TSC1: variants seen among roughly 807,000 people sequenced by gnomAD.
TSC1 encodes the protein hamartin.
TSC1 carries 20 observed loss-of-function variants against 124.3 expected under a neutral mutation model. That is an observed-to-expected ratio of 0.16 (90% CI 0.11 to 0.23). The LOEUF (loss-of-function observed/expected upper bound fraction) is 0.23, where lower values mean the gene tolerates loss of function less well. TSC1 is among the 10% of genes least tolerant of loss of function. TSC1 has a pLI of 1.00. For synonymous variants in TSC1, 493 were observed against 539.1 expected, an observed-to-expected ratio of 0.91 and a Z score of 1.19; for missense variants, 1,124 against 1,448.5, an observed-to-expected ratio of 0.78 and a Z score of 3.64.
Position 132,903,050 on chromosome 9 carries a change from T to C in TSC1, c.2209-263A>G, listed in dbSNP as rs562792617. On this transcript the variant is annotated intron_variant, in intron 17 of 22. Transcript: ENST00000298552. The surrounding 1 kb of genome is among the most constrained non-coding windows in gnomAD (Gnocchi z 5.9). ...CTTCCAATACTTTCAAAAGTCTGACTACCAACACTGGAATAAAATCTCTCA... is the reference window on the plus strand; with the variant it reads ...CTTCCAATACTTTCAAAAGTCTGACCACCAACACTGGAATAAAATCTCTCA... Among the ~76,000 whole-genome samples, 1 of 152,354 alleles carries C rather than the reference T, an allele frequency of 6.6e-6. No homozygotes were observed. Among genetic ancestry groups the C allele is most frequent in the East Asian group, 1.9e-4 (1 of 5,188 alleles).
At chr9:132,940,571 C>T (rs1847681733) in intron 1 of TSC1, among the ~76,000 whole-genome samples, 2 of 152,136 alleles carry the variant, frequency 1.3e-5, no homozygotes. Context: ...AATGTTTGGG[C>T]TGTGGAGTCA....
rs886063619 is a variant in TSC1 at position 132,895,937 on chromosome 9, T to G, written c.*298A>C. 1.1e-5 allele frequency: 5 copies of G among 448,104 alleles called. No homozygotes were observed. The highest frequency in any genetic ancestry group is 1.2e-5 in the Non-Finnish European group (3 of 244,198). 27.8% of individuals were successfully genotyped at this position (448,104 alleles called of 1,614,324 possible). Reference sequence around the variant, plus strand: ...GCACAGGTTCAAAGGACGCAACCATTTGGGGGGGAAAGGAAGAAAGTAAAG... The same window carrying G: ...GCACAGGTTCAAAGGACGCAACCATGTGGGGGGGAAAGGAAGAAAGTAAAG... On this transcript the variant is annotated 3_prime_UTR_variant, in exon 23 of 23. Transcript: ENST00000298552.
At position 132,896,771 on chromosome 9, in the gene TSC1, G is replaced by T; in HGVS notation, c.2976-17C>A. 1 of 1,613,454 alleles carries T rather than the reference G, an allele frequency of 6.2e-7. No homozygotes were observed. ...CAGTCAAGCCTGTAAGAAAGCCGGG[G>T]AGGAAAAAAGGAGCTGGTGATTGGA... On this transcript the variant is annotated splice_polypyrimidine_tract_variant and intron_variant, in intron 22 of 22. Coordinates refer to ENST00000298552, the MANE Select transcript of TSC1 (RefSeq NM_000368.5). This position sits in a 1 kb window ranked among gnomAD's most constrained non-coding sequence, Gnocchi z 4.5.
In TSC1 at chr9:132,906,182, C is replaced by A. The variant is rs1470752110; in HGVS notation, c.1439-43G>T. On this transcript the variant is annotated intron_variant, in intron 14 of 22. Coordinates refer to ENST00000298552, the MANE Select transcript of TSC1 (RefSeq NM_000368.5). This position sits in a 1 kb window ranked among gnomAD's most constrained non-coding sequence, Gnocchi z 4.1. ...AACAAAAGAAATGGCAGTCGGTATTCCACCTGGGAAAGACTAGGCAGTTTG... is the reference window on the plus strand; with the variant it reads ...AACAAAAGAAATGGCAGTCGGTATTACACCTGGGAAAGACTAGGCAGTTTG... The A allele has an allele frequency of 6.3e-7, 1 of 1,591,258 alleles. No homozygotes were observed. The highest frequency in any genetic ancestry group is 8.6e-7 in the Non-Finnish European group (1 of 1,168,508).
At chr9:132,901,835 A>G in intron 18 of TSC1, 136 bp from the exon 19 acceptor site, 2 of 719,418 alleles carry the variant, frequency 2.8e-6, no homozygotes, top group Non-Finnish European at 4.7e-6. Context: ...TCAGAATTTG[A>G]TGTCTTAGTT....
chr9:132,925,540 A>C, intron 5 of TSC1, 47 bp downstream of exon 5: 1 of 1,612,318 alleles, frequency 6.2e-7, no homozygotes, highest in Non-Finnish European at 8.5e-7. Context: ...AATTTCAGAA[A>C]CTATACTCAT....
At chr9:132,910,463 T>C (rs1588320880) in intron 12 of TSC1, 108 bp downstream of exon 12, 1 of 1,582,250 alleles carries the variant, frequency 6.3e-7, no homozygotes, top group East Asian at 2.2e-5. Flanking sequence ...TCAAACCCAT[T>C]GCATTTTAGG....
intron 8 of TSC1, 79 bp from the exon 9 acceptor site, chr9:132,912,536 A>G: frequency 6.4e-7 from 1 of 1,550,620 alleles, no homozygotes; most frequent in South Asian, 1.1e-5. Context: ...ACTCAGTGCC[A>G]GCCACGGAAC....
At chr9:132,934,144 C>T (rs1847338602) in intron 2 of TSC1, among the ~76,000 whole-genome samples, 1 of 152,204 alleles carries the variant, frequency 6.6e-6, no homozygotes. Context: ...ACAGCAACCA[C>T]TGAGCCTCGG....
chr9:132,945,181 T>C (rs1203436025), upstream of TSC1: 1 of 152,130 alleles, frequency 6.6e-6, no homozygotes, highest in Admixed American at 6.5e-5. Context: ...GAGTTGCAGC[T>C]CACCTGGGAA....
intron 2 of TSC1, among the ~76,000 whole-genome samples, chr9:132,930,587 C>CAAAAAAAAA (rs58163733): frequency 2.2e-5 from 1 of 45,248 alleles, no homozygotes; most frequent in Non-Finnish European, 3.8e-5. Flanking sequence ...GACTCTGCCT[C>CAAAAAAAAA]AAAAAAAAAA....
rs1163879822 is a variant in TSC1, at chr9:132,923,443, G to T, written c.413C>A (p.Thr138Asn). ...VLTTGVLVLI[T>N]MLPMIPQSGK... ...AGACTGTGGAATCATTGGTAGCATG[G>T]TTATCAACACCAAGACGCCTGTTGT... The change falls in exon 6 of 23, where the codon ACC (threonine) becomes AAC (asparagine). Residue 138 changes from threonine to asparagine, a missense_variant. Physicochemically the swap from Thr to Asn is moderately conservative, Grantham distance 65. Around this residue, in one of 5 missense-constraint regions of TSC1, gnomAD observed 463 missense variants for 606.8 expected, o/e 0.76. Transcript: ENST00000298552. The surrounding 1 kb of genome is among the most constrained non-coding windows in gnomAD (Gnocchi z 4.2). 1.9e-6 allele frequency: 3 copies of T among 1,614,182 alleles called. No homozygotes were observed. The highest frequency in any genetic ancestry group is 2.2e-5 in the East Asian group (1 of 44,888).
chr9:132,891,472 A>C lies in TSC1; in HGVS notation c.*4763T>G, dbSNP rs79470094. On this transcript the variant is annotated 3_prime_UTR_variant, in exon 23 of 23. Transcript: ENST00000298552. ...TCCAATTCCCATTCACTAAGATTGT[A>C]CCATTTTATCCTGCAGTTCATATTT... The C allele has an allele frequency of 4.3e-6, 1 of 233,478 alleles. No individual in the cohort carries two copies. Among genetic ancestry groups the C allele is most frequent in the East Asian group, 6.0e-5 (1 of 16,558 alleles). The allele number at this position is 233,478 out of a possible 1,614,324, so 14.5% of individuals were successfully genotyped here.
chr9:132,920,768 C>G (rs1410254325), intron 8 of TSC1, among the ~76,000 whole-genome samples: 1 of 152,018 alleles, frequency 6.6e-6, no homozygotes, highest in Non-Finnish European at 1.5e-5. Context: ...CCTCCCACAG[C>G]TCAGTCTGTA....
rs770834438 is a variant in TSC1, at chr9:132,897,226, A to C, written c.2933T>G (p.Leu978Arg). 11 of 1,614,000 alleles carry C rather than the reference A, an allele frequency of 6.8e-6. No homozygotes were observed. In the South Asian group the frequency reaches 1.1e-4, roughly 16 times the overall value. ...AGCTGCTTCTGCTTTTTCTTCTTCA[A>C]GTTTTTTCAGGAGGCCATCTTTCTC... ...RLEKDGLLKK[L>R]EEEKAEAAEA... Residue 978 changes from leucine to arginine, a missense_variant, in exon 22 of 23, where the codon CTT (leucine) becomes CGT (arginine). By Grantham distance (102) the Leu-to-Arg change is moderately radical. Transcript: ENST00000298552.
intron 3 of TSC1, among the ~76,000 whole-genome samples, chr9:132,928,077 C>T (rs574091840): frequency 1.2e-4 from 19 of 152,258 alleles, no homozygotes; most frequent in African/African-American, 4.6e-4. Flanking sequence ...TTCCACTGAA[C>T]AGTATGTTGT....
chr9:132,899,361 T>C (rs7031425), intron 20 of TSC1: 29,501 of 152,216 alleles, frequency 0.19, 3,496 homozygotes, highest in African/African-American at 0.34. Context: ...GAAGACAAGG[T>C]CTGCAGGATA....
chr9:132,898,578 C>CATT (rs1845208997), intron 20 of TSC1, among the ~76,000 whole-genome samples: 1 of 152,226 alleles, frequency 6.6e-6, no homozygotes, highest in Admixed American at 6.5e-5. Context: ...GCGGCTGTTC[C>CATT]AGCTGTGCTA....
At chr9:132,915,240 G>T (rs1588334615) in intron 8 of TSC1, among the ~76,000 whole-genome samples, 1 of 152,118 alleles carries the variant, frequency 6.6e-6, no homozygotes, top group African/African-American at 2.4e-5. Flanking sequence ...AGCCACCGGG[G>T]AGGCTGAAGC....
Sources: allele counts gnomAD v4.1 joint callset (sites outside exome capture counted in the v4.1 genomes callset), GRCh38; gene constraint gnomAD v4.1.1; regional missense constraint gnomAD v4.1.1; non-coding constraint Gnocchi (gnomAD v3.1); transcripts MANE v1.5; gene names NCBI Gene and HGNC (gene_info 2026-07-23, HGNC 2026-07-21).